Variants in EXOC4 observed in about 807,000 individuals in gnomAD.
EXOC4 encodes exocyst complex component 4.
Under a neutral mutation model 107.2 loss-of-function variants are expected in EXOC4, and 71 were observed. The ratio of observed to expected loss-of-function variants is 0.66; its 90% confidence interval spans 0.55 to 0.81. The LOEUF (loss-of-function observed/expected upper bound fraction) is 0.81. EXOC4 is among the 30% of genes least tolerant of loss of function. The pLI is 0.00. For synonymous variants in EXOC4, 456 were observed against 441.2 expected (o/e 1.03, Z -0.42); for missense variants, 1,108 against 1,189.6 (o/e 0.93, Z 1.01).
At chr7:133,935,382 T>G (rs947920551) in intron 13 of EXOC4, among the ~76,000 whole-genome samples, 17 of 152,148 alleles carry the variant, frequency 1.1e-4, no homozygotes, top group African/African-American at 4.1e-4. Flanking sequence ...TTGTTTTGTT[T>G]CATCTTAAGT....
chr7:133,429,829 C>T (rs573397788), intron 7 of EXOC4, among the ~76,000 whole-genome samples: 2 of 152,232 alleles, frequency 1.3e-5, no homozygotes, highest in African/African-American at 2.4e-5. Context: ...ATTCCCTTGA[C>T]CCCCTCATGG....
At chr7:134,097,279 T>C in the EXOC4 span, among the ~76,000 whole-genome samples, 2 of 151,970 alleles carry the variant, frequency 1.3e-5, no homozygotes, top group East Asian at 3.9e-4. Context: ...TCTCAGACTG[T>C]CTCTCCCAGC....
At chr7:134,054,335 G>A (rs971721889) in intron 17 of EXOC4, among the ~76,000 whole-genome samples, 12 of 152,100 alleles carry the variant, frequency 7.9e-5, no homozygotes, top group African/African-American at 2.9e-4. Context: ...TCACCCACCT[G>A]TTCTAAGGTT....
At chr7:133,855,492 G>A (rs1226638887) in intron 11 of EXOC4, among the ~76,000 whole-genome samples, 1 of 152,012 alleles carries the variant, frequency 6.6e-6, no homozygotes, top group Admixed American at 6.6e-5. Flanking sequence ...TTGGAGATAT[G>A]TGGCTTTTAT....
chr7:134,015,178 C>T, intron 17 of EXOC4, among the ~76,000 whole-genome samples: 1 of 152,194 alleles, frequency 6.6e-6, no homozygotes, highest in Non-Finnish European at 1.5e-5. Flanking sequence ...AAGGCCTTCT[C>T]TCCTGCACTT....
At chr7:133,751,824 C>A (rs1795799285) in intron 10 of EXOC4, among the ~76,000 whole-genome samples, 1 of 151,858 alleles carries the variant, frequency 6.6e-6, no homozygotes, top group Admixed American at 6.6e-5. Context: ...CTATTATATT[C>A]TCTGAATTTT....
intron 10 of EXOC4, among the ~76,000 whole-genome samples, chr7:133,713,281 A>G (rs1474723014): frequency 6.6e-6 from 1 of 152,234 alleles, no homozygotes; most frequent in East Asian, 1.9e-4. Flanking sequence ...AAGATAATTT[A>G]TAGTGGAAGG....
At chr7:133,435,401 C>G (rs923136030) in intron 7 of EXOC4, among the ~76,000 whole-genome samples, 1 of 152,118 alleles carries the variant, frequency 6.6e-6, no homozygotes, top group Non-Finnish European at 1.5e-5. Context: ...TTCAGACAAG[C>G]TCCTCTTGCT....
chr7:133,591,574 G>A (rs770532828), intron 9 of EXOC4, among the ~76,000 whole-genome samples: 4,416 of 150,794 alleles, frequency 0.029, 115 homozygotes, highest in African/African-American at 0.077. Context: ...GTGTGCGTGT[G>A]TGTGTGTGTG....
chr7:133,329,398 C>T (rs1239579701), intron 5 of EXOC4, among the ~76,000 whole-genome samples: 4 of 152,048 alleles, frequency 2.6e-5, no homozygotes, highest in Non-Finnish European at 4.4e-5. Flanking sequence ...TTGTTATTAC[C>T]GACCTTCTGA....
chr7:133,787,974 T>G (rs1796620717), intron 10 of EXOC4, among the ~76,000 whole-genome samples: 2 of 47,584 alleles, frequency 4.2e-5, no homozygotes, highest in Non-Finnish European at 8.3e-5. Flanking sequence ...TATATATATA[T>G]ATATATATAT....
chr7:133,531,938 A>G (rs1466187132), intron 9 of EXOC4, among the ~76,000 whole-genome samples: 2 of 152,100 alleles, frequency 1.3e-5, no homozygotes, highest in Non-Finnish European at 2.9e-5. Context: ...TTGCACATAC[A>G]TATTGAGGTA....
chr7:133,275,145 A>G lies in EXOC4; in HGVS notation c.250A>G (p.Thr84Ala), dbSNP rs1348571281. Residue 84 changes from threonine to alanine, a missense_variant, in exon 2 of 18, where the codon ACT becomes GCT. Thr to Ala is a moderately conservative substitution (Grantham distance 58, BLOSUM62 0). Transcript: ENST00000253861. Reference sequence around the variant, plus strand: ...ATACCAGAGCATCACAGAGCGCATCACTAACTCCCGAAATAAAATAAAGCA... The same window carrying G: ...ATACCAGAGCATCACAGAGCGCATCGCTAACTCCCGAAATAAAATAAAGCA... ...RTYQSITERI[T>A]NSRNKIKQVK... 3 of 1,600,074 alleles carry G rather than the reference A, an allele frequency of 1.9e-6. No individual in the cohort carries two copies. Among genetic ancestry groups the G allele is most frequent in the South Asian group, 2.3e-5 (2 of 88,878 alleles).
intron 12 of EXOC4, among the ~76,000 whole-genome samples, chr7:133,898,947 C>A (rs936786028): frequency 2.7e-5 from 4 of 150,398 alleles, no homozygotes; most frequent in Non-Finnish European, 3.0e-5. Context: ...CCCTGCACTC[C>A]AGACTGGATG....
chr7:133,398,136 T>C (rs1325240079), intron 7 of EXOC4, among the ~76,000 whole-genome samples: 3 of 152,120 alleles, frequency 2.0e-5, no homozygotes, highest in Non-Finnish European at 4.4e-5. Flanking sequence ...GGAAAAAAAA[T>C]ATGCAGAGAC....
At chr7:133,485,951 G>A (rs554264966) in intron 9 of EXOC4, among the ~76,000 whole-genome samples, 1 of 151,768 alleles carries the variant, frequency 6.6e-6, no homozygotes, top group South Asian at 2.1e-4. Context: ...TTTCCATTAT[G>A]TTTTCTTTTC....
At chr7:133,564,761 A>G (rs1479025292) in intron 9 of EXOC4, among the ~76,000 whole-genome samples, 1 of 152,170 alleles carries the variant, frequency 6.6e-6, no homozygotes, top group Non-Finnish European at 1.5e-5. Context: ...GAAGCTTTTG[A>G]TATGTAATAT....
chr7:133,634,087 C>T (rs764502199), intron 10 of EXOC4, among the ~76,000 whole-genome samples: 5 of 152,260 alleles, frequency 3.3e-5, no homozygotes, highest in East Asian at 1.9e-4. Flanking sequence ...AGCAGTTTCC[C>T]GTTATGCTGG....
At chr7:133,995,808 G>T (rs944875526) in intron 14 of EXOC4, among the ~76,000 whole-genome samples, 4 of 152,046 alleles carry the variant, frequency 2.6e-5, no homozygotes, top group African/African-American at 9.7e-5. Flanking sequence ...TGTCTATCCA[G>T]GCCCTTTTCT....
Sources: gnomAD v4.1 joint callset for allele counts (sites outside exome capture counted in the v4.1 genomes callset) on GRCh38, gnomAD v4.1.1 for gene constraint, MANE v1.5 for transcripts, NCBI Gene and HGNC (gene_info 2026-07-23, HGNC 2026-07-21) for gene names.